Variants in GPD2 observed in about 807,000 individuals in gnomAD.
GPD2 encodes the protein glycerol-3-phosphate dehydrogenase, mitochondrial.
A neutral mutation model predicts 82.4 loss-of-function variants in GPD2; 54 were observed. The ratio of observed to expected loss-of-function variants is 0.66; its 90% confidence interval spans 0.53 to 0.82. The LOEUF is 0.82. Ranked by LOEUF, GPD2 falls within the 40% of genes least tolerant of loss-of-function variation. The pLI, the probability that GPD2 is intolerant of heterozygous loss-of-function variation, is 0.00. For synonymous variants in GPD2, 288 were observed against 306.1 expected, an observed-to-expected ratio of 0.94 and a Z score of 0.62; for missense variants, 748 against 896.2, an observed-to-expected ratio of 0.83 and a Z score of 2.11.
intron 3 of GPD2, among the ~76,000 whole-genome samples, chr2:156,502,615 T>C (rs76812114): frequency 0.021 from 3,179 of 152,108 alleles, 112 homozygotes; most frequent in African/African-American, 0.073. Context: ...TTTGTAGAGA[T>C]GAGGTCTTGC....
chr2:156,401,506 A>G, the GPD2 span, among the ~76,000 whole-genome samples: 4 of 152,210 alleles, frequency 2.6e-5, no homozygotes, highest in Non-Finnish European at 5.9e-5. Flanking sequence ...ACACTTAGAT[A>G]ATTTATAACA....
At chr2:156,565,705 TA>T (rs1687363511) in intron 9 of GPD2, among the ~76,000 whole-genome samples, 1 of 152,146 alleles carries the variant, frequency 6.6e-6, no homozygotes. Flanking sequence ...GAATCTATAG[TA>T]AAATATGCCA....
intron 1 of GPD2, among the ~76,000 whole-genome samples, chr2:156,473,941 A>T (rs1683416828): frequency 8.6e-6 from 1 of 116,718 alleles, no homozygotes. Flanking sequence ...AATTTGGGAA[A>T]GAGAAGATGG....
intron 3 of GPD2, among the ~76,000 whole-genome samples, chr2:156,510,352 A>T (rs1326610489): frequency 6.6e-6 from 1 of 152,210 alleles, no homozygotes; most frequent in Non-Finnish European, 1.5e-5. Context: ...TCTAGTCTAG[A>T]TTTATTCATG....
chr2:156,558,765 CTTTTTTTTTTT>C lies in GPD2; in HGVS notation c.1165+1204_1165+1214del, dbSNP rs34524248. On this transcript the variant is annotated intron_variant, in intron 9 of 16. Transcript: ENST00000438166. ...GGTGCCCACCACCACGCCCAGCTAA[CTTTTTTTTTTT>C]TTTTTTTTTTTTTTTTTTTTAAGTA... Among the ~76,000 whole-genome samples, 163 of 40,900 alleles carry C rather than the reference CTTTTTTTTTTT, an allele frequency of 4.0e-3. 2 individuals carry two copies. Among genetic ancestry groups the C allele is most frequent in the Admixed American group, 6.1e-3 (16 of 2,604 alleles). The allele number at this position is 40,900 out of a possible 152,430, so 26.8% of individuals were successfully genotyped here.
chr2:156,513,560 T>C, intron 6 of GPD2, 64 bp downstream of exon 6: 4 of 1,278,664 alleles, frequency 3.1e-6, no homozygotes, highest in Non-Finnish European at 4.6e-6. Flanking sequence ...ACCCGTATAG[T>C]GTATTCTTAA....
the GPD2 span, among the ~76,000 whole-genome samples, chr2:156,425,710 A>G: frequency 6.6e-6 from 1 of 152,274 alleles, no homozygotes; most frequent in South Asian, 2.1e-4. Flanking sequence ...ACCCCTGTGG[A>G]TGTGGCATGC....
rs185590774 is a variant in GPD2 at position 156,484,598 on chromosome 2, G to A, written c.102+8391G>A. Among the ~76,000 whole-genome samples the A allele has an allele frequency of 2.0e-3, 297 of 152,146 alleles. 2 individuals are homozygous for A. The highest frequency in any genetic ancestry group is 6.5e-3 in the African/African-American group (271 of 41,518). On this transcript the variant is annotated intron_variant, in intron 2 of 16. Coordinates refer to ENST00000438166, the MANE Select transcript of GPD2 (RefSeq NM_000408.5). The stretch of plus-strand genomic sequence containing the variant: ...CTCATGCCTGTAATCCCAGCACTTT[G>A]GGAGGCTGAGGCAGGTGGATCACCT...
intron 6 of GPD2, among the ~76,000 whole-genome samples, chr2:156,515,607 C>T (rs1326142644): frequency 1.3e-5 from 2 of 152,038 alleles, no homozygotes; most frequent in African/African-American, 2.4e-5. Context: ...ATTCTTTAAT[C>T]TAGAATTGAT....
chr2:156,504,069 A>C (rs1442188935), intron 3 of GPD2, among the ~76,000 whole-genome samples: 1 of 152,042 alleles, frequency 6.6e-6, no homozygotes, highest in Non-Finnish European at 1.5e-5. Flanking sequence ...TAACAACATC[A>C]TATCTCTATT....
chr2:156,401,961 G>T, the GPD2 span, among the ~76,000 whole-genome samples: 1 of 152,016 alleles, frequency 6.6e-6, no homozygotes, highest in South Asian at 2.1e-4. Flanking sequence ...TCTCTGGGAG[G>T]GAAATACCTA....
Position 156,456,472 on chromosome 2 carries a change from G to A in GPD2, c.-8-19626G>A, listed in dbSNP as rs556552900. On this transcript the variant is annotated intron_variant, in intron 1 of 16. Coordinates refer to ENST00000438166, the MANE Select transcript of GPD2 (RefSeq NM_000408.5). ...ACAAAAACTAGTCGCATGTGGTGGC[G>A]CACAACTGTAATCCCAGCTTCTCTG... is the stretch of plus-strand genomic sequence containing the variant. 7.6e-4 allele frequency among the ~76,000 whole-genome samples: 115 copies of A among 151,990 alleles called. 1 individual carries two copies. The highest frequency in any genetic ancestry group is 1.3e-3 in the Non-Finnish European group (88 of 67,970).
At chr2:156,568,445 G>A (rs577920693) in intron 9 of GPD2, among the ~76,000 whole-genome samples, 1 of 152,182 alleles carries the variant, frequency 6.6e-6, no homozygotes, top group East Asian at 1.9e-4. Context: ...ATTCTAGAAG[G>A]AAATTTAACA....
upstream of GPD2, among the ~76,000 whole-genome samples, chr2:156,431,138 C>T (rs929399902): frequency 1.3e-5 from 2 of 152,152 alleles, no homozygotes; most frequent in African/African-American, 4.8e-5. Flanking sequence ...TTCTTAGGCA[C>T]AGGAGAAAGG....
chr2:156,500,594 A>G (rs921553273), intron 3 of GPD2, among the ~76,000 whole-genome samples: 2 of 152,192 alleles, frequency 1.3e-5, no homozygotes, highest in African/African-American at 4.8e-5. Flanking sequence ...TAAAGTTACC[A>G]GTAATAATTA....
the GPD2 span, among the ~76,000 whole-genome samples, chr2:156,418,140 G>A: frequency 6.6e-6 from 1 of 152,048 alleles, no homozygotes; most frequent in Non-Finnish European, 1.5e-5. Context: ...GCTTGAACTC[G>A]GGAGGAAGAG....
chr2:156,432,280 G>C (rs1330149703), upstream of GPD2, among the ~76,000 whole-genome samples: 2 of 152,010 alleles, frequency 1.3e-5, no homozygotes, highest in African/African-American at 4.8e-5. Flanking sequence ...TTTTATTTTA[G>C]ATTCAGGGGC....
the GPD2 span, among the ~76,000 whole-genome samples, chr2:156,411,470 C>G: frequency 6.6e-6 from 1 of 152,010 alleles, no homozygotes; most frequent in Non-Finnish European, 1.5e-5. Flanking sequence ...CACCCACCAC[C>G]CTGCCCAGCT....
intron 2 of GPD2, among the ~76,000 whole-genome samples, chr2:156,481,732 C>T (rs1339485957): frequency 2.0e-5 from 3 of 151,894 alleles, no homozygotes; most frequent in South Asian, 2.1e-4. Flanking sequence ...TCACCCACCT[C>T]GGCCCCAAAG....
Sources: gnomAD v4.1 joint callset for allele counts (sites outside exome capture counted in the v4.1 genomes callset) on GRCh38, gnomAD v4.1.1 for gene constraint, MANE v1.5 for transcripts, NCBI Gene and HGNC (gene_info 2026-07-23, HGNC 2026-07-21) for gene names.